The following NOS1 variants were observed in gnomAD, a reference collection of about 807,000 sequenced individuals.
The protein encoded by NOS1 is NOS type I.
NOS1 carries 51 observed loss-of-function variants against 164.5 expected under a neutral mutation model. The ratio of observed to expected loss-of-function variants is 0.31; its 90% CI spans 0.25 to 0.39. The LOEUF (loss-of-function observed/expected upper bound fraction) is 0.39. NOS1 is among the 10% of genes least tolerant of loss of function. The pLI, the probability that NOS1 is intolerant of heterozygous loss-of-function variation, is 1.00. For missense variants in NOS1, 1,362 were observed against 1,885.6 expected (o/e 0.72, Z 5.14); for synonymous variants, 719 against 745.8 (o/e 0.96, Z 0.59).
chr12:117,219,706 A>C (rs991111744), intron 27 of NOS1, among the ~76,000 whole-genome samples: 29 of 152,136 alleles, frequency 1.9e-4, no homozygotes, highest in African/African-American at 6.8e-4. Flanking sequence ...AGGGCTCCAC[A>C]GTTCTCCTCG....
intron 1 of NOS1, among the ~76,000 whole-genome samples, chr12:117,340,873 A>AT (rs56322341): frequency 0.37 from 38,342 of 102,898 alleles, 7,448 homozygotes; most frequent in African/African-American, 0.42. Flanking sequence ...ACACCTGGCT[A>AT]TTTTTTTTTT....
At chr12:117,307,463 C>T (rs1471170744) in intron 3 of NOS1, among the ~76,000 whole-genome samples, 1 of 152,066 alleles carries the variant, frequency 6.6e-6, no homozygotes, top group Non-Finnish European at 1.5e-5. Flanking sequence ...CTGGCTCAAG[C>T]GATACTCCCG....
Position 117,290,445 on chromosome 12 carries a change from G to C in NOS1, c.853-19C>G. On this transcript the variant is annotated intron_variant, in intron 3 of 28. Coordinates refer to ENST00000317775, the MANE Select transcript of NOS1 (RefSeq NM_000620.5). ...TGGGGGGCTGCAGGAGAGAATGAAGGTGGAAGATGAGGCAGGGCCTTGAGT... is the reference window on the plus strand; with the variant it reads ...TGGGGGGCTGCAGGAGAGAATGAAGCTGGAAGATGAGGCAGGGCCTTGAGT... 6.2e-7 allele frequency: 1 copy of C among 1,604,032 alleles called. No homozygotes were observed. The highest frequency in any genetic ancestry group is 1.8e-4 in the Middle Eastern group (1 of 5,470).
chr12:117,253,833 T>C, intron 16 of NOS1, 79 bp from the exon 17 acceptor site: 1 of 901,814 alleles, frequency 1.1e-6, no homozygotes, highest in Non-Finnish European at 1.8e-6. Context: ...GATCTTCAAG[T>C]GACCAGTCCT....
chr12:117,242,594 C>A, intron 20 of NOS1, 33 bp downstream of exon 20: 4 of 1,570,910 alleles, frequency 2.5e-6, no homozygotes, highest in Non-Finnish European at 3.5e-6. Flanking sequence ...TGGGAGAAGA[C>A]GTAGGTAACC....
In NOS1 at chr12:117,213,924, G is replaced by GCT. The variant is rs1956565348; in HGVS notation, c.*1383_*1384dup. 7 of 985,284 alleles carry GCT rather than the reference G, an allele frequency of 7.1e-6. No homozygotes were observed. Among genetic ancestry groups the GCT allele is most frequent in the Non-Finnish European group, 8.4e-6 (7 of 829,928 alleles). 61.0% of individuals were successfully genotyped at this position (985,284 alleles called of 1,614,324 possible). Reference sequence around the variant, plus strand: ...TGCCTCTTAGGGAGGAATTACACCGGCTCCAATTCCTACCGAAGACTTGGC... The same window carrying GCT: ...TGCCTCTTAGGGAGGAATTACACCGGCTCTCCAATTCCTACCGAAGACTTGGC... On this transcript the variant is annotated 3_prime_UTR_variant, in exon 29 of 29. Transcript: ENST00000317775.
intron 3 of NOS1, among the ~76,000 whole-genome samples, chr12:117,300,361 T>G (rs1218711377): frequency 2.0e-5 from 3 of 152,154 alleles, no homozygotes; most frequent in Non-Finnish European, 4.4e-5. Flanking sequence ...ATATACTCAC[T>G]CTTAAAACAA....
At chr12:117,287,009 A>G (rs528750744) in intron 5 of NOS1, among the ~76,000 whole-genome samples, 68 of 152,312 alleles carry the variant, frequency 4.5e-4, no homozygotes, top group African/African-American at 1.6e-3. Flanking sequence ...GAGGCTAGGA[A>G]TTTGAGACCA....
At chr12:117,256,093 A>G (rs1871421444) in intron 16 of NOS1, 1 of 973,512 alleles carries the variant, frequency 1.0e-6, no homozygotes, top group Non-Finnish European at 1.4e-6. Flanking sequence ...GTGAGAGGGA[A>G]CCTGCTGGGA....
intron 2 of NOS1, among the ~76,000 whole-genome samples, chr12:117,321,565 C>A (rs1188999374): frequency 6.6e-6 from 1 of 152,042 alleles, no homozygotes; most frequent in Non-Finnish European, 1.5e-5. Flanking sequence ...GGAGAGGGTA[C>A]AAAGCGAGAG....
At chr12:117,285,565 G>A (rs1180157835) in intron 6 of NOS1, among the ~76,000 whole-genome samples, 56 of 150,816 alleles carry the variant, frequency 3.7e-4, no homozygotes, top group Admixed American at 3.7e-3. Context: ...AGTAGGCACG[G>A]CATGAAAGTG....
rs1592980751 is a variant in NOS1 at position 117,278,181 on chromosome 12, G to A, written c.1525-83C>T. 4.2e-6 allele frequency: 6 copies of A among 1,435,544 alleles called. No individual in the cohort carries two copies. In the East Asian group the frequency reaches 1.0e-4, roughly 24 times the overall value. 88.9% of individuals were successfully genotyped at this position (1,435,544 alleles called of 1,614,324 possible). A position where few individuals can be genotyped will look rare whatever the true frequency, so the allele number is the denominator to read the frequency against. On this transcript the variant is annotated intron_variant, in intron 8 of 28. Transcript: ENST00000317775. ...CTTATGTGGGAAGCGGGGGTGGGGT[G>A]GATAGAGATCCAAATGCAAGCCCCC...
chr12:117,282,457 C>T lies in NOS1; in HGVS notation c.1383-1591G>A, dbSNP rs76652232. Among the ~76,000 whole-genome samples, 996 of 152,276 alleles carry T rather than the reference C, an allele frequency of 6.5e-3. 16 individuals are homozygous for T. Among genetic ancestry groups the T allele is most frequent in the African/African-American group, 0.023 (940 of 41,528 alleles). On this transcript the variant is annotated intron_variant, in intron 7 of 28. Coordinates refer to ENST00000317775, the MANE Select transcript of NOS1 (RefSeq NM_000620.5). ...CTGCTGATCCCCTTGGCTGGAATCC[C>T]CCTCTTCCATTTTATGTCCAAGTTC...
chr12:117,323,523 T>A (rs1875088883), intron 2 of NOS1, among the ~76,000 whole-genome samples: 2 of 152,228 alleles, frequency 1.3e-5, no homozygotes. Flanking sequence ...CATACCTCTC[T>A]GAGCCCTGGT....
At chr12:117,321,841 A>G (rs997684737) in intron 2 of NOS1, among the ~76,000 whole-genome samples, 3 of 152,032 alleles carry the variant, frequency 2.0e-5, no homozygotes, top group African/African-American at 7.2e-5. Flanking sequence ...TGAGTCCTCG[A>G]AGCAAAAACC....
rs781759475 is a variant in NOS1, at chr12:117,222,870, A to G, written c.3827-7T>C. The G allele has an allele frequency of 1.2e-6, 2 of 1,611,772 alleles. No homozygotes were observed. Among genetic ancestry groups the G allele is most frequent in the Non-Finnish European group, 1.7e-6 (2 of 1,179,062 alleles). On this transcript the variant is annotated splice_region_variant and splice_polypyrimidine_tract_variant and intron_variant, in intron 25 of 28. Transcript: ENST00000317775. Reference sequence around the variant, plus strand: ...ATGGGGCAGGGGTTCATTCCTGGGGACCAGGAAGACCTTATGTCACCGATG... The same window carrying G: ...ATGGGGCAGGGGTTCATTCCTGGGGGCCAGGAAGACCTTATGTCACCGATG...
rs1229669186 is a variant in NOS1, at chr12:117,301,412, A to C, written c.852+10054T>G. 5.2e-4 allele frequency among the ~76,000 whole-genome samples: 79 copies of C among 152,220 alleles called. 2 individuals carry two copies. The highest frequency in any genetic ancestry group is 1.5e-4 in the Non-Finnish European group (10 of 68,040). ...CCAAAGTGCTGGGATTACAGGCATG[A>C]GCTACACCTGGCCTTCATTTCATTT... On this transcript the variant is annotated intron_variant, in intron 3 of 28. Coordinates refer to ENST00000317775, the MANE Select transcript of NOS1 (RefSeq NM_000620.5).
chr12:117,215,391 C>T lies in NOS1; in HGVS notation c.4290-67G>A, dbSNP rs1207596224. ...CAAGGCTGCTGTTTCCTCTGAGTGC[C>T]CCAGAGAAAATCACCCATGCTCTGG... On this transcript the variant is annotated intron_variant, in intron 28 of 28. Coordinates refer to ENST00000317775, the MANE Select transcript of NOS1 (RefSeq NM_000620.5). The T allele has an allele frequency of 2.8e-6, 4 of 1,437,572 alleles. No homozygotes were observed. The Admixed American group carries it at 7.4e-5, about 27-fold the overall frequency. The allele number at this position is 1,437,572 out of a possible 1,614,324, so 89.1% of individuals were successfully genotyped here. A position where few individuals can be genotyped will look rare whatever the true frequency, so the allele number is the denominator to read the frequency against.
chr12:117,263,871 C>T lies in NOS1; in HGVS notation c.2222+18G>A, dbSNP rs1397936656. Reference sequence around the variant, plus strand: ...TTGTGGGGACATCCACCCCACCCGCCCACTGCACGAAACTTACTCTGCTAG... The same window carrying T: ...TTGTGGGGACATCCACCCCACCCGCTCACTGCACGAAACTTACTCTGCTAG... On this transcript the variant is annotated intron_variant, in intron 13 of 28. Transcript: ENST00000317775. 6.2e-7 allele frequency: 1 copy of T among 1,604,898 alleles called. No individual in the cohort carries two copies. Among genetic ancestry groups the T allele is most frequent in the African/African-American group, 1.3e-5 (1 of 74,634 alleles).
Sources: gnomAD v4.1 joint callset for allele counts (sites outside exome capture counted in the v4.1 genomes callset) on GRCh38, gnomAD v4.1.1 for gene constraint, MANE v1.5 for transcripts, NCBI Gene and HGNC (gene_info 2026-07-23, HGNC 2026-07-21) for gene names.